Variants in FLII observed in about 807,000 individuals in gnomAD.
The protein encoded by FLII is FLII actin remodeling protein, also known as protein flightless-1 homolog.
Under a neutral mutation model 156.2 loss-of-function variants are expected in FLII, and 101 were observed. The ratio of observed to expected loss-of-function variants is 0.65; its 90% confidence interval spans 0.55 to 0.76. The LOEUF is 0.76. FLII is among the 30% of genes least tolerant of loss of function. FLII has a pLI of 0.00. For missense variants in FLII, 1,675 were observed against 1,682.8 expected, an observed-to-expected ratio of 1.00 and a Z score of 0.08; for synonymous variants, 767 against 685.8, an observed-to-expected ratio of 1.12 and a Z score of -1.85.
Position 18,252,073 on chromosome 17 carries a change from T to G in FLII, c.1172A>C (p.Asn391Thr), listed in dbSNP as rs750667120. The change falls in exon 11 of 30, where the codon AAC becomes ACC. Residue 391 changes from asparagine to threonine, a missense_variant. Around this residue, in one of 2 missense-constraint regions of FLII, gnomAD observed 1,332 missense variants for 1,269.3 expected, o/e 1.05. Coordinates refer to ENST00000327031, the MANE Select transcript of FLII (RefSeq NM_002018.4). ...CTGGTTCTGCAGCGAGAAGTCGATG[T>G]TGTACCACTCAGCGGCACGGTCTGC... is the stretch of plus-strand genomic sequence containing the variant. Reference protein sequence around the residue: ...KPADRAAEWYNIDFSLQNQLR... With the variant: ...KPADRAAEWYTIDFSLQNQLR... 5 of 1,613,406 alleles carry G rather than the reference T, an allele frequency of 3.1e-6. No individual in the cohort carries two copies. The highest frequency in any genetic ancestry group is 3.4e-6 in the Non-Finnish European group (4 of 1,180,032).
At chr17:18,248,451 G>A (rs577940366) in intron 18 of FLII, 99 bp downstream of exon 18, 21 of 1,186,218 alleles carry the variant, frequency 1.8e-5, no homozygotes, top group Admixed American at 2.5e-5. Flanking sequence ...CACCAAAGTC[G>A]AGATGGAGCC....
At chr17:18,251,157 C>G in intron 13 of FLII, 108 bp downstream of exon 13, 1 of 1,415,510 alleles carries the variant, frequency 7.1e-7, no homozygotes, top group South Asian at 1.3e-5. Flanking sequence ...CTGCAGCCTG[C>G]CCACCTCCCA....
At position 18,248,846 on chromosome 17, in the gene FLII, C is replaced by T. The variant is rs199518863; in HGVS notation, c.1972G>A (p.Val658Ile). 58 of 1,614,012 alleles carry T rather than the reference C, an allele frequency of 3.6e-5. No homozygotes were observed. In the African/African-American group the frequency reaches 4.0e-4, roughly 11 times the overall value. The change falls in exon 17 of 30, where the codon GTA (valine) becomes ATA (isoleucine). Residue 658 changes from valine (V) to isoleucine (I), a missense_variant. Physicochemically the swap from Val to Ile is conservative, Grantham distance 29 (BLOSUM62 3). This residue lies in a region of FLII where 1,332 missense variants were observed against 1,269.3 expected (regional missense o/e 1.05). Transcript: ENST00000327031. ...AGTGTGGCCTGGGCCCCCCGCCATA[C>T]GTAGATGTCTAGCCCTCGGTCCAGC... ...FLLDRGLDIY[V>I]WRGAQATLSS...
intron 7 of FLII, 168 bp from the exon 8 acceptor site, chr17:18,253,887 G>T: frequency 1.2e-6 from 1 of 810,812 alleles, no homozygotes; most frequent in Non-Finnish European, 1.9e-6. Context: ...TCACATGGGG[G>T]TTGCGGGGGA....
At chr17:18,257,078 C>T in intron 1 of FLII, 59 bp from the exon 2 acceptor site, 2 of 1,178,396 alleles carry the variant, frequency 1.7e-6, no homozygotes, top group Middle Eastern at 1.9e-4. Context: ...TCTATGGCTC[C>T]TCCAGCCCAT....
At position 18,256,923 on chromosome 17, in the gene FLII, C is replaced by A. The variant is rs771487713; in HGVS notation, c.160G>T (p.Ala54Ser). 1.2e-6 allele frequency: 2 copies of A among 1,608,012 alleles called. No homozygotes were observed. Among genetic ancestry groups the A allele is most frequent in the South Asian group, 2.2e-5 (2 of 89,794 alleles). Residue 54 changes from alanine to serine, a missense_variant, in exon 2 of 30, where the codon GCC (alanine) becomes TCC (serine). This residue lies in a region of FLII where 343 missense variants were observed against 413.5 expected (regional missense o/e 0.83). Transcript: ENST00000327031. ...AACCCCCTTACCAGCTTCTGCAGGGCGGCCAGCTCCTCGGGCAGGTAGCAG... is the reference window on the plus strand; with the variant it reads ...AACCCCCTTACCAGCTTCTGCAGGGAGGCCAGCTCCTCGGGCAGGTAGCAG... Reference protein sequence around the residue: ...GLCYLPEELAALQKLEHLSVS... With the variant: ...GLCYLPEELASLQKLEHLSVS...
intron 14 of FLII, among the ~76,000 whole-genome samples, chr17:18,250,227 T>G (rs574390408): frequency 1.3e-5 from 2 of 152,122 alleles, no homozygotes; most frequent in Admixed American, 1.3e-4. Flanking sequence ...GCCAGCAGCA[T>G]GTTTAGATGC....
In FLII at chr17:18,246,271, C is replaced by T. The variant is rs199790278; in HGVS notation, c.3206+37G>A. The T allele has an allele frequency of 7.1e-5, 115 of 1,614,102 alleles. No individual in the cohort carries two copies. In the East Asian group the frequency reaches 2.0e-3, roughly 28 times the overall value. On this transcript the variant is annotated intron_variant, in intron 24 of 29. Transcript: ENST00000327031. ...CAAGGATTCAGGCCTGGCTCCCTGA[C>T]GCTTGCTCGCCACTGCGTCCTCCCC...
In FLII at chr17:18,251,985, C is replaced by G. The variant is rs373416153; in HGVS notation, c.1246+14G>C. On this transcript the variant is annotated intron_variant, in intron 11 of 29. Coordinates refer to ENST00000327031, the MANE Select transcript of FLII (RefSeq NM_002018.4). Reference sequence around the variant, plus strand: ...AGGAGCCCCCGTTCCCAGGCCAGACCTTTCCCCACTCACCAGCTGCAGCTG... The same window carrying G: ...AGGAGCCCCCGTTCCCAGGCCAGACGTTTCCCCACTCACCAGCTGCAGCTG... 1.2e-6 allele frequency: 2 copies of G among 1,611,814 alleles called. No homozygotes were observed. The highest frequency in any genetic ancestry group is 2.7e-5 in the African/African-American group (2 of 74,932).
rs1188247316 is a variant in FLII at position 18,256,567 on chromosome 17, T to G, written c.205A>C (p.Thr69Pro). The G allele has an allele frequency of 1.9e-6, 3 of 1,551,586 alleles. No individual in the cohort carries two copies. The highest frequency in any genetic ancestry group is 2.6e-6 in the Non-Finnish European group (3 of 1,147,032). Residue 69 changes from threonine to proline, a missense_variant, in exon 3 of 30, where the codon ACC becomes CCC. This residue lies in a region of FLII where 343 missense variants were observed against 413.5 expected (regional missense o/e 0.83). Coordinates refer to ENST00000327031, the MANE Select transcript of FLII (RefSeq NM_002018.4). ...EHLSVSHNNL[T>P]TLHGELSSLP... Reference sequence around the variant, plus strand: ...CTGGACAGCTCCCCATGAAGCGTGGTCAGGTTGTTGTGGCTCACAGACAAG... The same window carrying G: ...CTGGACAGCTCCCCATGAAGCGTGGGCAGGTTGTTGTGGCTCACAGACAAG...
Position 18,248,860 on chromosome 17 carries a change from C to G in FLII, c.1958G>C (p.Gly653Ala), listed in dbSNP as rs565214603. Residue 653 changes from glycine to alanine, a missense_variant, in exon 17 of 30, where the codon GGG (glycine) becomes GCG (alanine). This residue lies in a region of FLII where 1,332 missense variants were observed against 1,269.3 expected (regional missense o/e 1.05). Coordinates refer to ENST00000327031, the MANE Select transcript of FLII (RefSeq NM_002018.4). Reference protein sequence around the residue: ...DPRFVFLLDRGLDIYVWRGAQ... With the variant: ...DPRFVFLLDRALDIYVWRGAQ... The stretch of plus-strand genomic sequence containing the variant: ...CCCCCGCCATACGTAGATGTCTAGC[C>G]CTCGGTCCAGCAGGAAAACAAACCT... 5.6e-6 allele frequency: 9 copies of G among 1,613,948 alleles called. No homozygotes were observed. Among genetic ancestry groups the G allele is most frequent in the Non-Finnish European group, 7.6e-6 (9 of 1,179,932 alleles).
rs747746478 is a variant in FLII, at chr17:18,247,173, G to A, written c.2672C>T (p.Ala891Val). ...FLPRQPPMSL[A>V]EAEQLMEEWN... ...CGGTCCCGGCCCTGCCCCCACCTCG[G>A]CCAGCGACATGGGCGGCTGCCGCGG... Residue 891 changes from alanine to valine, a missense_variant, in exon 21 of 30, where the codon GCC becomes GTC. Ala to Val is a moderately conservative substitution (Grantham distance 64, BLOSUM62 0). Coordinates refer to ENST00000327031, the MANE Select transcript of FLII (RefSeq NM_002018.4). The A allele has an allele frequency of 8.0e-7, 1 of 1,250,060 alleles. No homozygotes were observed. The highest frequency in any genetic ancestry group is 1.0e-6 in the Non-Finnish European group (1 of 979,990). 77.4% of individuals were successfully genotyped at this position (1,250,060 alleles called of 1,614,324 possible).
At chr17:18,257,875 C>T (rs1252922339) in intron 1 of FLII, among the ~76,000 whole-genome samples, 1 of 152,210 alleles carries the variant, frequency 6.6e-6, no homozygotes, top group East Asian at 1.9e-4. Flanking sequence ...CCAGCCAGCT[C>T]TCCCTCCCTC....
chr17:18,247,079 G>A lies in FLII; in HGVS notation c.2677-27C>T, dbSNP rs116865265. ...TGCAGGTGAGAGGGACCCGCCCCGCGGCAGGTCTGAGCGCGCTCTGCGCAT... is the reference window on the plus strand; with the variant it reads ...TGCAGGTGAGAGGGACCCGCCCCGCAGCAGGTCTGAGCGCGCTCTGCGCAT... On this transcript the variant is annotated intron_variant, in intron 21 of 29. Transcript: ENST00000327031. 8.1e-3 allele frequency: 13,074 copies of A among 1,606,260 alleles called. 720 individuals carry two copies. The East Asian group carries it at 0.15, about 18-fold the overall frequency.
chr17:18,251,051 A>T, intron 13 of FLII, 34 bp from the exon 14 acceptor site: 1 of 1,597,126 alleles, frequency 6.3e-7, no homozygotes, highest in Non-Finnish European at 8.5e-7. Context: ...ATCAGCTTTC[A>T]TCCTGGTCTT....
chr17:18,249,077 G>C lies in FLII; in HGVS notation c.1934+50C>G, dbSNP rs556502639. The C allele has an allele frequency of 3.9e-4, 605 of 1,546,110 alleles. 5 individuals carry two copies. Among genetic ancestry groups the C allele is most frequent in the Non-Finnish European group, 2.1e-5 (24 of 1,120,120 alleles). On this transcript the variant is annotated intron_variant, in intron 16 of 29. Transcript: ENST00000327031. ...AGGCCCACACCTGCCCCCACTGGTG[G>C]GGAGGAGGCTGAGGATGAAGCACCC...
intron 6 of FLII, 103 bp downstream of exon 6, chr17:18,254,418 G>A (rs1234769567): frequency 8.3e-7 from 1 of 1,204,530 alleles, no homozygotes; most frequent in African/African-American, 1.5e-5. Flanking sequence ...ACGGAGGGAT[G>A]GCTGGGCCTA....
rs764861101 is a variant in FLII at position 18,247,719 on chromosome 17, C to T, written c.2425G>A (p.Gly809Arg). The T allele has an allele frequency of 8.1e-6, 13 of 1,603,190 alleles. No individual in the cohort carries two copies. In the South Asian group the frequency reaches 1.2e-4, roughly 15 times the overall value. ...GCATGGCGTGGCCGGTGCAGCATCC[C>T]GCACAGCTCCTGACCCAGCTTGAGG... ...AALKLGQELC[G>R]MLHRPRHATV... Residue 809 changes from glycine to arginine, a missense_variant, in exon 20 of 30, where the codon GGG (glycine) becomes AGG (arginine). Gly to Arg is a moderately radical substitution (Grantham distance 125). Around this residue, in one of 2 missense-constraint regions of FLII, gnomAD observed 1,332 missense variants for 1,269.3 expected, o/e 1.05. Coordinates refer to ENST00000327031, the MANE Select transcript of FLII (RefSeq NM_002018.4).
At position 18,247,366 on chromosome 17, in the gene FLII, G is replaced by A. The variant is rs533619879; in HGVS notation, c.2488-9C>T. ...AACTTGGCCTTGAACACCTGCCAGG[G>A]AGGCCATCAACTAACCATGAGGGGT... is the stretch of plus-strand genomic sequence containing the variant. On this transcript the variant is annotated splice_polypyrimidine_tract_variant and intron_variant, in intron 20 of 29. Coordinates refer to ENST00000327031, the MANE Select transcript of FLII (RefSeq NM_002018.4). 4 of 1,595,480 alleles carry A rather than the reference G, an allele frequency of 2.5e-6. No homozygotes were observed. In the South Asian group the frequency reaches 4.5e-5, roughly 18 times the overall value.
Sources: gnomAD v4.1 joint callset for allele counts (sites outside exome capture counted in the v4.1 genomes callset) on GRCh38, gnomAD v4.1.1 for gene constraint, gnomAD v4.1.1 regional missense constraint, MANE v1.5 for transcripts, NCBI Gene and HGNC (gene_info 2026-07-23, HGNC 2026-07-21) for gene names.